HPSE2: variants seen among roughly 807,000 people sequenced by gnomAD.
HPSE2 encodes inactive heparanase-2.
HPSE2 carries 38 observed loss-of-function variants against 60.5 expected under a neutral mutation model. That is an observed-to-expected ratio of 0.63 (90% CI 0.48 to 0.82). HPSE2 has a LOEUF of 0.82. HPSE2 is among the 40% of genes least tolerant of loss of function. The pLI, the probability that HPSE2 is intolerant of heterozygous loss-of-function variation, is 0.00. For synonymous variants in HPSE2, 295 were observed against 293.2 expected, an observed-to-expected ratio of 1.01 and a Z score of -0.06; for missense variants, 713 against 740.4, an observed-to-expected ratio of 0.96 and a Z score of 0.43.
rs553791367 is a variant in HPSE2, at chr10:99,102,277, C to T, written c.610+41961G>A. Among the ~76,000 whole-genome samples the T allele has an allele frequency of 7.2e-5, 11 of 151,992 alleles. No individual in the cohort carries two copies. In the East Asian group the frequency reaches 1.5e-3, roughly 21 times the overall value. ...AAAAGAGAGAAGAATCAAATAGATG[C>T]AATAAAAAATGATAAAGGGGATATC... is the stretch of plus-strand genomic sequence containing the variant. On this transcript the variant is annotated intron_variant, in intron 3 of 11. Coordinates refer to ENST00000370552, the MANE Select transcript of HPSE2 (RefSeq NM_021828.5).
intron 9 of HPSE2, among the ~76,000 whole-genome samples, chr10:98,539,096 T>C (rs1486522557): frequency 6.6e-6 from 1 of 152,228 alleles, no homozygotes; most frequent in Admixed American, 6.5e-5. Flanking sequence ...TGCTTGATAT[T>C]AGGCTCAGGA....
intron 3 of HPSE2, among the ~76,000 whole-genome samples, chr10:98,988,237 T>G (rs1246434883): frequency 2.0e-5 from 3 of 152,276 alleles, no homozygotes; most frequent in Non-Finnish European, 4.4e-5. Flanking sequence ...CTACCTGACT[T>G]CAAACTATAC....
intron 8 of HPSE2, among the ~76,000 whole-genome samples, chr10:98,617,094 G>A (rs901900927): frequency 2.0e-5 from 3 of 152,146 alleles, no homozygotes; most frequent in South Asian, 2.1e-4. Context: ...CTTGTCAAAC[G>A]AAGGAAGAAA....
chr10:98,541,141 T>C (rs1250343440), intron 9 of HPSE2, among the ~76,000 whole-genome samples: 6 of 152,368 alleles, frequency 3.9e-5, no homozygotes, highest in African/African-American at 1.4e-4. Flanking sequence ...TTTTCAATTA[T>C]AATTAAAAAG....
At chr10:99,061,943 T>C (rs1842456654) in intron 3 of HPSE2, among the ~76,000 whole-genome samples, 1 of 152,220 alleles carries the variant, frequency 6.6e-6, no homozygotes. Context: ...AGTGACTGCA[T>C]ATGACTATAG....
the HPSE2 span, among the ~76,000 whole-genome samples, chr10:99,313,088 T>C: frequency 1.3e-5 from 2 of 152,230 alleles, no homozygotes; most frequent in African/African-American, 2.4e-5. Context: ...GCCAGTATCG[T>C]GCTTCCTGTA....
rs572200625 is a variant in HPSE2, at chr10:98,767,885, A to G, written c.611-23829T>C. On this transcript the variant is annotated intron_variant, in intron 3 of 11. Transcript: ENST00000370552. ...ATATGTTCTATATAAACATTTATAT[A>G]GAAATATATATTAAATAAGCATATA... is the stretch of plus-strand genomic sequence containing the variant. 1.1e-3 allele frequency among the ~76,000 whole-genome samples: 160 copies of G among 147,574 alleles called. 1 individual carries two copies. The highest frequency in any genetic ancestry group is 1.8e-3 in the African/African-American group (72 of 40,726).
intron 9 of HPSE2, among the ~76,000 whole-genome samples, chr10:98,511,137 T>TG (rs150907593): frequency 0.24 from 36,837 of 151,320 alleles, 5,108 homozygotes; most frequent in East Asian, 0.42. Context: ...GCTGTTTTTT[T>TG]TTTGTTTGTT....
intron 3 of HPSE2, among the ~76,000 whole-genome samples, chr10:98,921,402 A>T (rs1954278990): frequency 6.6e-6 from 1 of 152,218 alleles, no homozygotes; most frequent in African/African-American, 2.4e-5. Flanking sequence ...ACGTGGCCAC[A>T]CATTAAGGCT....
the HPSE2 span, among the ~76,000 whole-genome samples, chr10:99,289,566 T>C: frequency 2.6e-5 from 4 of 152,106 alleles, no homozygotes; most frequent in African/African-American, 4.8e-5. Flanking sequence ...TATTTTAACA[T>C]AGGGGGAATA....
At chr10:98,733,493 T>C (rs990755122) in intron 4 of HPSE2, among the ~76,000 whole-genome samples, 1 of 152,086 alleles carries the variant, frequency 6.6e-6, no homozygotes, top group Non-Finnish European at 1.5e-5. Flanking sequence ...TAAAAAGTAA[T>C]AACCATAGGG....
chr10:98,520,126 C>T (rs1942738282), intron 9 of HPSE2, among the ~76,000 whole-genome samples: 1 of 152,164 alleles, frequency 6.6e-6, no homozygotes, highest in South Asian at 2.1e-4. Context: ...CAATGTGTGA[C>T]TGGTGGGAAA....
intron 3 of HPSE2, among the ~76,000 whole-genome samples, chr10:98,969,132 T>G (rs1955886848): frequency 6.6e-6 from 1 of 152,140 alleles, no homozygotes; most frequent in African/African-American, 2.4e-5. Flanking sequence ...ATCTGTAATT[T>G]TACAAAATGC....
chr10:98,772,044 T>C (rs138305072), intron 3 of HPSE2, among the ~76,000 whole-genome samples: 1 of 152,290 alleles, frequency 6.6e-6, no homozygotes, highest in African/African-American at 2.4e-5. Context: ...TGATGGCTGT[T>C]ATCTGCAGGC....
intron 2 of HPSE2, among the ~76,000 whole-genome samples, chr10:99,198,608 T>C (rs1848477613): frequency 6.6e-6 from 1 of 152,202 alleles, no homozygotes; most frequent in South Asian, 2.1e-4. Flanking sequence ...AGACTCATAG[T>C]ACAACACTTT....
chr10:98,624,401 T>C lies in HPSE2; in HGVS notation c.1099-3693A>G, dbSNP rs114431994. 7.9e-3 allele frequency among the ~76,000 whole-genome samples: 1,202 copies of C among 152,164 alleles called. 11 individuals carry two copies. Among genetic ancestry groups the C allele is most frequent in the African/African-American group, 0.025 (1,018 of 41,508 alleles). On this transcript the variant is annotated intron_variant, in intron 7 of 11. Coordinates refer to ENST00000370552, the MANE Select transcript of HPSE2 (RefSeq NM_021828.5). ...ACAGAAAAAGGACCTCAGGTGGAAA[T>C]AGGTCTGCTGTTTTTAGAACCAAAA... is the stretch of plus-strand genomic sequence containing the variant.
intron 9 of HPSE2, among the ~76,000 whole-genome samples, chr10:98,610,841 G>T (rs1372219320): frequency 1.3e-5 from 2 of 152,182 alleles, no homozygotes; most frequent in Non-Finnish European, 2.9e-5. Context: ...AGCCTGGTGT[G>T]GGAGTTAAGA....
At chr10:99,205,305 T>C (rs542893595) in intron 2 of HPSE2, among the ~76,000 whole-genome samples, 55 of 151,732 alleles carry the variant, frequency 3.6e-4, no homozygotes, top group African/African-American at 1.2e-3. Flanking sequence ...AGAAAAAAAA[T>C]AGGCCAGGTG....
intron 11 of HPSE2, among the ~76,000 whole-genome samples, chr10:98,470,770 A>T (rs1310818765): frequency 6.6e-6 from 1 of 152,222 alleles, no homozygotes; most frequent in Non-Finnish European, 1.5e-5. Context: ...ATCCCTGCCT[A>T]CAACGAGGGT....
Sources: gnomAD v4.1 joint callset for allele counts (sites outside exome capture counted in the v4.1 genomes callset) on GRCh38, gnomAD v4.1.1 for gene constraint, MANE v1.5 for transcripts, NCBI Gene and HGNC (gene_info 2026-07-23, HGNC 2026-07-21) for gene names.